Variants in SDK2 observed in about 807,000 individuals in gnomAD.
SDK2 encodes sidekick cell adhesion molecule 2.
SDK2 carries 105 observed loss-of-function variants against 253.9 expected under a neutral mutation model. The ratio of observed to expected loss-of-function variants is 0.41; its 90% CI spans 0.35 to 0.49. The LOEUF (loss-of-function observed/expected upper bound fraction) is 0.49. Among genes scored for constraint, SDK2 ranks in the 20% least tolerant of loss-of-function variants. The pLI is 0.06. For missense variants in SDK2, 2,608 were observed against 3,003.0 expected, an observed-to-expected ratio of 0.87 and a Z score of 3.07; for synonymous variants, 1,249 against 1,234.9, an observed-to-expected ratio of 1.01 and a Z score of -0.24.
chr17:73,630,007 G>T lies in SDK2; in HGVS notation c.64+14018C>A, dbSNP rs747112399. On this transcript the variant is annotated intron_variant, in intron 1 of 44. Transcript: ENST00000392650. ...GGTCAATACCAACCCCCCACCAGGTGCAAGGCCATCACCACGTTCAAGTTC... is the reference window on the plus strand; with the variant it reads ...GGTCAATACCAACCCCCCACCAGGTTCAAGGCCATCACCACGTTCAAGTTC... Among the ~76,000 whole-genome samples the T allele has an allele frequency of 5.5e-4, 84 of 152,224 alleles. 1 individual carries two copies. The highest frequency in any genetic ancestry group is 1.6e-4 in the Non-Finnish European group (11 of 68,002).
chr17:73,545,099 G>GCACGCA (rs1555601161), intron 1 of SDK2, among the ~76,000 whole-genome samples: 1 of 145,818 alleles, frequency 6.9e-6, no homozygotes, highest in African/African-American at 2.6e-5. Context: ...GCACGTGCAC[G>GCACGCA]CACACACACA....
chr17:73,549,392 A>G (rs1176497470), intron 1 of SDK2, among the ~76,000 whole-genome samples: 2 of 152,094 alleles, frequency 1.3e-5, no homozygotes. Flanking sequence ...GTACCTGATT[A>G]ATTAATTTTC....
Position 73,626,270 on chromosome 17 carries a change from A to G in SDK2, c.64+17755T>C, listed in dbSNP as rs185043606. Among the ~76,000 whole-genome samples, 842 of 152,346 alleles carry G rather than the reference A, an allele frequency of 5.5e-3. 3 individuals carry two copies. The highest frequency in any genetic ancestry group is 0.034 in the Middle Eastern group (10 of 294). On this transcript the variant is annotated intron_variant, in intron 1 of 44. Transcript: ENST00000392650. Reference sequence around the variant, plus strand: ...GTCCTCCTCTCTTGTCTGTAGTGACAGATGAATGCGTTGGCCGGGGCTCGG... The same window carrying G: ...GTCCTCCTCTCTTGTCTGTAGTGACGGATGAATGCGTTGGCCGGGGCTCGG...
intron 1 of SDK2, among the ~76,000 whole-genome samples, chr17:73,601,351 C>T (rs539950179): frequency 6.6e-6 from 1 of 152,214 alleles, no homozygotes; most frequent in Admixed American, 6.5e-5. Context: ...GCACATGGAC[C>T]CTTTGAGGTG....
At chr17:73,458,862 A>G (rs2063546228) in intron 3 of SDK2, among the ~76,000 whole-genome samples, 1 of 151,996 alleles carries the variant, frequency 6.6e-6, no homozygotes, top group African/African-American at 2.4e-5. Context: ...AAATTAGCCG[A>G]GCATGGTGGC....
At position 73,612,662 on chromosome 17, in the gene SDK2, T is replaced by C. The variant is rs1226330675; in HGVS notation, c.64+31363A>G. Among the ~76,000 whole-genome samples, 1 of 152,152 alleles carries C rather than the reference T, an allele frequency of 6.6e-6. No individual in the cohort carries two copies. The stretch of plus-strand genomic sequence containing the variant: ...GGCCAGGCGAGGTGGCTCACACCTG[T>C]AATCCCAGCATTTTGGGAAGCCCAG... On this transcript the variant is annotated intron_variant, in intron 1 of 44. Coordinates refer to ENST00000392650, the MANE Select transcript of SDK2 (RefSeq NM_001144952.2). This position sits in a 1 kb window ranked among gnomAD's most constrained non-coding sequence, Gnocchi z 4.4.
chr17:73,461,356 A>T (rs979651947), intron 3 of SDK2, among the ~76,000 whole-genome samples: 1 of 152,240 alleles, frequency 6.6e-6, no homozygotes, highest in Non-Finnish European at 1.5e-5. Flanking sequence ...GGAATAAGTA[A>T]ATCAACCCAA....
At chr17:73,355,174 A>ATATATATATATATATTTTTT in intron 40 of SDK2, among the ~76,000 whole-genome samples, 63 of 47,198 alleles carry the variant, frequency 1.3e-3, no homozygotes, top group Non-Finnish European at 1.5e-3. Flanking sequence ...ATATATATAT[A>ATATATATATATATATTTTTT]TTTTTTTTTT....
At chr17:73,640,283 G>A (rs2046382736) in intron 1 of SDK2, among the ~76,000 whole-genome samples, 1 of 151,826 alleles carries the variant, frequency 6.6e-6, no homozygotes, top group Non-Finnish European at 1.5e-5. Flanking sequence ...GGTCGAGGGT[G>A]GGATTTCCGA....
chr17:73,515,440 C>T (rs140632825), intron 1 of SDK2, among the ~76,000 whole-genome samples: 303 of 152,244 alleles, frequency 2.0e-3, no homozygotes, highest in Middle Eastern at 0.014. Flanking sequence ...GGGATGAGGG[C>T]GAAACAGGCG....
chr17:73,601,620 T>C (rs548052248), intron 1 of SDK2, among the ~76,000 whole-genome samples: 1 of 152,190 alleles, frequency 6.6e-6, no homozygotes, highest in East Asian at 1.9e-4. Context: ...CTAAGGCATG[T>C]GGAGAATCAC....
intron 1 of SDK2, among the ~76,000 whole-genome samples, chr17:73,516,244 C>T (rs1451863387): frequency 1.3e-5 from 2 of 152,220 alleles, no homozygotes; most frequent in East Asian, 1.9e-4. Context: ...CAAACGCCTG[C>T]GTGGATTGGT....
intron 44 of SDK2, among the ~76,000 whole-genome samples, chr17:73,342,085 C>A (rs143951706): frequency 2.0e-5 from 3 of 151,982 alleles, no homozygotes; most frequent in African/African-American, 4.8e-5. Flanking sequence ...AGAGCTCCCC[C>A]CAAACCCCCC....
intron 18 of SDK2, among the ~76,000 whole-genome samples, chr17:73,406,835 G>A (rs1214123375): frequency 6.6e-6 from 1 of 152,230 alleles, no homozygotes; most frequent in Non-Finnish European, 1.5e-5. Flanking sequence ...TAGCAATGCA[G>A]TGCGAAGTCC....
At chr17:73,607,527 G>A (rs2045922753) in intron 1 of SDK2, among the ~76,000 whole-genome samples, 1 of 152,186 alleles carries the variant, frequency 6.6e-6, no homozygotes, top group Admixed American at 6.5e-5. Flanking sequence ...CAGGGAAGGG[G>A]TCTCGGGTGG....
intron 1 of SDK2, among the ~76,000 whole-genome samples, chr17:73,641,790 G>GA (rs1406660107): frequency 1.3e-5 from 2 of 152,166 alleles, no homozygotes; most frequent in East Asian, 3.9e-4. Flanking sequence ...CCTGAGACTG[G>GA]AAAAAACTCA....
intron 2 of SDK2, among the ~76,000 whole-genome samples, chr17:73,476,284 C>T (rs62074100): frequency 6.6e-6 from 1 of 152,290 alleles, no homozygotes; most frequent in Admixed American, 6.5e-5. Context: ...AACGCACACA[C>T]TTATAACCAC....
Position 73,549,239 on chromosome 17 carries a change from G to A in SDK2, c.65-41642C>T, listed in dbSNP as rs75635312. Among the ~76,000 whole-genome samples, 658 of 152,332 alleles carry A rather than the reference G, an allele frequency of 4.3e-3. 6 individuals are homozygous for A. Among genetic ancestry groups the A allele is most frequent in the African/African-American group, 0.015 (614 of 41,582 alleles). On this transcript the variant is annotated intron_variant, in intron 1 of 44. Transcript: ENST00000392650. ...GAGTAGAAGGAGAGAGGAGTGGGAAGAGAGGAGGCAATTGCCTCCTCCTGG... is the reference window on the plus strand; with the variant it reads ...GAGTAGAAGGAGAGAGGAGTGGGAAAAGAGGAGGCAATTGCCTCCTCCTGG...
At chr17:73,631,073 G>A (rs1040480291) in intron 1 of SDK2, among the ~76,000 whole-genome samples, 14 of 152,106 alleles carry the variant, frequency 9.2e-5, no homozygotes, top group African/African-American at 1.2e-4. Context: ...AGCCAGAAGC[G>A]CCTCCTCTCT....
Sources: gnomAD v4.1 joint callset for allele counts (sites outside exome capture counted in the v4.1 genomes callset) on GRCh38, gnomAD v4.1.1 for gene constraint, Gnocchi (gnomAD v3.1) non-coding constraint, MANE v1.5 for transcripts, NCBI Gene and HGNC (gene_info 2026-07-23, HGNC 2026-07-21) for gene names.